Variants in FAM13A observed in about 807,000 individuals in gnomAD.
FAM13A encodes the protein family with sequence similarity 13 member A.
FAM13A carries 76 observed loss-of-function variants against 129.6 expected under a neutral mutation model. That is an observed-to-expected ratio of 0.59 (90% CI 0.49 to 0.71). The LOEUF is 0.71. Ranked by LOEUF, FAM13A falls within the 30% of genes least tolerant of loss-of-function variation. The pLI is 0.00. For synonymous variants in FAM13A, 443 were observed against 449.9 expected, an observed-to-expected ratio of 0.98 and a Z score of 0.20; for missense variants, 1,108 against 1,249.3, an observed-to-expected ratio of 0.89 and a Z score of 1.70.
At chr4:88,799,553 C>T (rs962172134) in intron 8 of FAM13A, among the ~76,000 whole-genome samples, 3 of 151,746 alleles carry the variant, frequency 2.0e-5, no homozygotes, top group Admixed American at 6.6e-5. Flanking sequence ...GGCACAATCT[C>T]GGCTCACTGC....
chr4:89,043,448 T>C (rs1770424216), intron 1 of FAM13A, among the ~76,000 whole-genome samples: 1 of 152,116 alleles, frequency 6.6e-6, no homozygotes, highest in Non-Finnish European at 1.5e-5. Flanking sequence ...GGGAATCTCC[T>C]GAGCTGTGAA....
At chr4:88,773,246 G>A (rs993463657) in intron 11 of FAM13A, among the ~76,000 whole-genome samples, 4 of 152,128 alleles carry the variant, frequency 2.6e-5, no homozygotes, top group Non-Finnish European at 5.9e-5. Flanking sequence ...TCTAAAAACT[G>A]TCTTCATCTT....
At chr4:88,767,802 G>T (rs570703805) in intron 12 of FAM13A, among the ~76,000 whole-genome samples, 181 bp downstream of exon 12, 55 of 152,202 alleles carry the variant, frequency 3.6e-4, no homozygotes, top group African/African-American at 1.1e-3. Context: ...ATAGTTATTT[G>T]CCTTCAATAG....
chr4:88,882,429 A>T (rs1247229205), intron 6 of FAM13A, among the ~76,000 whole-genome samples: 1 of 152,086 alleles, frequency 6.6e-6, no homozygotes, highest in East Asian at 1.9e-4. Context: ...ACAATGCTGT[A>T]TTGTCTTTTT....
intron 2 of FAM13A, among the ~76,000 whole-genome samples, chr4:89,026,035 A>G (rs924404899): frequency 2.0e-5 from 3 of 152,234 alleles, no homozygotes; most frequent in Non-Finnish European, 4.4e-5. Context: ...TCAAGAGACT[A>G]TTATCCAATG....
intron 6 of FAM13A, among the ~76,000 whole-genome samples, chr4:88,866,139 C>A (rs1340847830): frequency 6.6e-6 from 1 of 151,902 alleles, no homozygotes; most frequent in Non-Finnish European, 1.5e-5. Context: ...CCTCTGCCAC[C>A]TGGGTTCAAG....
At chr4:88,944,037 TACAGC>T (rs1755219602) in intron 4 of FAM13A, among the ~76,000 whole-genome samples, 1 of 152,226 alleles carries the variant, frequency 6.6e-6, no homozygotes, top group South Asian at 2.1e-4. Flanking sequence ...GTTTTATTTT[TACAGC>T]ACTATGATTA....
chr4:88,790,069 T>G (rs142818226), intron 9 of FAM13A, among the ~76,000 whole-genome samples: 92 of 152,274 alleles, frequency 6.0e-4, no homozygotes, highest in African/African-American at 1.9e-3. Flanking sequence ...CAGGGACTTG[T>G]TGCCATCACT....
intron 1 of FAM13A, among the ~76,000 whole-genome samples, chr4:89,055,315 C>T (rs187928814): frequency 1.3e-5 from 2 of 152,012 alleles, no homozygotes; most frequent in African/African-American, 2.4e-5. Flanking sequence ...ACAGTAAAAC[C>T]AAGACAGCAC....
intron 7 of FAM13A, among the ~76,000 whole-genome samples, chr4:88,849,753 G>T (rs1737238215): frequency 6.6e-6 from 1 of 152,068 alleles, no homozygotes; most frequent in Admixed American, 6.6e-5. Flanking sequence ...TCTTAAAGCA[G>T]TTCGTGGAAC....
intron 4 of FAM13A, among the ~76,000 whole-genome samples, chr4:88,977,006 T>C (rs1203145027): frequency 1.3e-5 from 2 of 152,204 alleles, no homozygotes; most frequent in Non-Finnish European, 2.9e-5. Context: ...CACTCTATGA[T>C]ATTCACACAA....
At chr4:88,783,162 G>A (rs960158045) in intron 10 of FAM13A, among the ~76,000 whole-genome samples, 6 of 151,838 alleles carry the variant, frequency 4.0e-5, no homozygotes, top group African/African-American at 1.2e-4. Context: ...TATTTTTAAT[G>A]TATAATTAAT....
chr4:88,864,386 G>A (rs113629069), intron 6 of FAM13A, among the ~76,000 whole-genome samples: 1 of 152,100 alleles, frequency 6.6e-6, no homozygotes, highest in African/African-American at 2.4e-5. Context: ...ATGATTGCTA[G>A]CATTTCATTG....
At chr4:88,863,162 A>G (rs1326445806) in intron 6 of FAM13A, among the ~76,000 whole-genome samples, 1 of 152,142 alleles carries the variant, frequency 6.6e-6, no homozygotes, top group African/African-American at 2.4e-5. Flanking sequence ...TGCCAGAGGA[A>G]CTAACTGCGT....
At chr4:88,774,838 G>C (rs1657904146) in intron 11 of FAM13A, among the ~76,000 whole-genome samples, 1 of 152,160 alleles carries the variant, frequency 6.6e-6, no homozygotes, top group South Asian at 2.1e-4. Flanking sequence ...GAAAGGACTT[G>C]GAAAATGACT....
chr4:88,990,845 A>G (rs1762840229), intron 4 of FAM13A, 128 bp downstream of exon 4: 1 of 684,960 alleles, frequency 1.5e-6, no homozygotes. Flanking sequence ...AGAACAAGAT[A>G]CAACTTCTCC....
chr4:88,901,108 T>C (rs531969984), intron 6 of FAM13A, among the ~76,000 whole-genome samples: 6 of 152,212 alleles, frequency 3.9e-5, no homozygotes, highest in African/African-American at 9.6e-5. Flanking sequence ...CCTAAATATA[T>C]ATGCACCCAA....
chr4:88,946,401 CTTTTT>C (rs3067813), intron 4 of FAM13A, among the ~76,000 whole-genome samples: 2 of 91,716 alleles, frequency 2.2e-5, no homozygotes, highest in East Asian at 3.9e-4. Context: ...CTCCCGCGTT[CTTTTT>C]TTTTTTTTTT....
At chr4:88,743,507 A>G (rs563014164) in intron 19 of FAM13A, among the ~76,000 whole-genome samples, 4 of 152,312 alleles carry the variant, frequency 2.6e-5, no homozygotes, top group Non-Finnish European at 5.9e-5. Flanking sequence ...AGCACCAGAG[A>G]GGGTAATGAT....
Sources: allele counts gnomAD v4.1 joint callset (sites outside exome capture counted in the v4.1 genomes callset), GRCh38; gene constraint gnomAD v4.1.1; transcripts MANE v1.5; gene names NCBI Gene and HGNC (gene_info 2026-07-23, HGNC 2026-07-21).